RBCK1: variants seen among roughly 807,000 people sequenced by gnomAD.
RBCK1 encodes ranBP-type and C3HC4-type zinc finger-containing protein 1.
A neutral mutation model predicts 71.1 loss-of-function variants in RBCK1; 44 were observed. The observed-to-expected ratio is 0.62, with a 90% CI of 0.49 to 0.80. The LOEUF is 0.80. Ranked by LOEUF, RBCK1 falls within the 30% of genes least tolerant of loss-of-function variation. The pLI is 0.00. For synonymous variants in RBCK1, 306 were observed against 279.7 expected, an observed-to-expected ratio of 1.09 and a Z score of -0.94; for missense variants, 569 against 685.0, an observed-to-expected ratio of 0.83 and a Z score of 1.89.
Position 428,461 on chromosome 20 carries a change from T to C in RBCK1, c.1210-30T>C, listed in dbSNP as rs199774576. The C allele has an allele frequency of 4.0e-5, 61 of 1,535,888 alleles. No homozygotes were observed. Among genetic ancestry groups the C allele is most frequent in the Non-Finnish European group, 1.1e-5 (13 of 1,132,754 alleles). ...CAGCTTCTTAACCCCCTGAGGAACCTTCTTACCTTGAGTCCCTCACCCGCT... is the reference window on the plus strand; with the variant it reads ...CAGCTTCTTAACCCCCTGAGGAACCCTCTTACCTTGAGTCCCTCACCCGCT... On this transcript the variant is annotated intron_variant, in intron 9 of 11. Transcript: ENST00000356286. This position sits in a 1 kb window ranked among gnomAD's most constrained non-coding sequence, Gnocchi z 5.7.
intron 2 of RBCK1, among the ~76,000 whole-genome samples, chr20:412,262 G>A (rs2015752517): frequency 6.6e-6 from 1 of 151,942 alleles, no homozygotes. Context: ...ATCTTTTCAT[G>A]CACATATTTT....
chr20:420,475 C>T (rs2016322897), intron 6 of RBCK1: 1 of 983,876 alleles, frequency 1.0e-6, no homozygotes, highest in Non-Finnish European at 1.2e-6. Flanking sequence ...AGTGGCTCCA[C>T]CAGCCCTGGC....
At position 417,854 on chromosome 20, in the gene RBCK1, C is replaced by A; in HGVS notation, c.384C>A (p.Leu128=). The A allele has an allele frequency of 6.2e-7, 1 of 1,613,896 alleles. No individual in the cohort carries two copies. The highest frequency in any genetic ancestry group is 1.1e-5 in the South Asian group (1 of 91,088). ...GVRQNGDSAY[L]YLLSARNTSL... Reference sequence around the variant, plus strand: ...GGCAGAATGGGGACAGTGCCTACCTCTATCTGCTGTCAGCCCGCAACACCT... The same window carrying A: ...GGCAGAATGGGGACAGTGCCTACCTATATCTGCTGTCAGCCCGCAACACCT... The change falls in exon 4 of 12, where the codon CTC becomes CTA. Residue 128 remains leucine (L), a synonymous_variant. Transcript: ENST00000356286. The surrounding 1 kb of genome is among the most constrained non-coding windows in gnomAD (Gnocchi z 4.7).
intron 11 of RBCK1, among the ~76,000 whole-genome samples, chr20:429,672 G>A (rs1414621693): frequency 1.3e-5 from 2 of 152,234 alleles, no homozygotes; most frequent in African/African-American, 2.4e-5. Flanking sequence ...TGTTGGCTGT[G>A]GTTGCTTTTA....
intron 1 of RBCK1, 119 bp downstream of exon 1, chr20:408,898 C>G (rs1447859917): frequency 5.0e-6 from 6 of 1,194,974 alleles, no homozygotes; most frequent in African/African-American, 3.1e-5. Flanking sequence ...CCTCCCTCTA[C>G]CCTCCTCCCC....
At position 408,445 on chromosome 20, in the gene RBCK1, G is replaced by A. The variant is rs1328986912; in HGVS notation, c.-313G>A. The A allele has an allele frequency of 4.0e-6, 2 of 504,366 alleles. No homozygotes were observed. Among genetic ancestry groups the A allele is most frequent in the African/African-American group, 2.0e-5 (1 of 48,908 alleles). The allele number at this position is 504,366 out of a possible 1,614,324, so 31.2% of individuals were successfully genotyped here. ...CCGGGACTTGGAACGCCCCGGCTGGGTGGTGTCCGGGCGTCCTTTCCCCGC... is the reference window on the plus strand; with the variant it reads ...CCGGGACTTGGAACGCCCCGGCTGGATGGTGTCCGGGCGTCCTTTCCCCGC... On this transcript the variant is annotated 5_prime_UTR_variant, in exon 1 of 12. The change creates a new upstream start codon in the 5' untranslated region. Coordinates refer to ENST00000356286, the MANE Select transcript of RBCK1 (RefSeq NM_031229.4).
Position 431,731 on chromosome 20 carries a change from C to T in RBCK1, c.*1301C>T, listed in dbSNP as rs1020458846. On this transcript the variant is annotated 3_prime_UTR_variant, in exon 12 of 12. Coordinates refer to ENST00000356286, the MANE Select transcript of RBCK1 (RefSeq NM_031229.4). The surrounding 1 kb of genome is among the most constrained non-coding windows in gnomAD (Gnocchi z 4.8). ...AGCTGTCTGAGAATGTGTGAGTGGA[C>T]TGGGTCCTTCGGCACTGCCTGCATT... is the stretch of plus-strand genomic sequence containing the variant. 1.3e-5 allele frequency among the ~76,000 whole-genome samples: 2 copies of T among 152,238 alleles called. No individual in the cohort carries two copies. Among genetic ancestry groups the T allele is most frequent in the Admixed American group, 6.5e-5 (1 of 15,292 alleles).
chr20:412,406 C>T (rs146010777), intron 2 of RBCK1, among the ~76,000 whole-genome samples: 6,302 of 151,940 alleles, frequency 0.041, 135 homozygotes, highest in African/African-American at 0.044. Context: ...CTGCAACCTC[C>T]GCCTCCCAGG....
intron 2 of RBCK1, among the ~76,000 whole-genome samples, chr20:413,344 G>C (rs1041310858): frequency 1.3e-5 from 2 of 151,990 alleles, no homozygotes; most frequent in Non-Finnish European, 2.9e-5. Context: ...AATTTTGGTA[G>C]GGATTTCATT....
rs2016511511 is a variant in RBCK1, at chr20:422,696, G to A, written c.1029+458G>A. 6.6e-6 allele frequency among the ~76,000 whole-genome samples: 1 copy of A among 152,100 alleles called. No individual in the cohort carries two copies. The highest frequency in any genetic ancestry group is 1.5e-5 in the Non-Finnish European group (1 of 68,022). ...CCAGGCGCGGGGGCATGCGCCTGTA[G>A]TCCTAGCTACTTGGGTGGGGTCTGG... On this transcript the variant is annotated intron_variant, in intron 8 of 11. Transcript: ENST00000356286. This position sits in a 1 kb window ranked among gnomAD's most constrained non-coding sequence, Gnocchi z 5.0.
intron 2 of RBCK1, among the ~76,000 whole-genome samples, chr20:414,863 T>C (rs2015899801): frequency 6.6e-6 from 1 of 152,244 alleles, no homozygotes; most frequent in Non-Finnish European, 1.5e-5. Flanking sequence ...CAGACTCATC[T>C]ATTTTTGTTT....
At chr20:418,603 T>G (rs2316405) in intron 4 of RBCK1, among the ~76,000 whole-genome samples, 2 of 151,390 alleles carry the variant, frequency 1.3e-5, no homozygotes, top group Non-Finnish European at 3.0e-5. Flanking sequence ...CTCCTGACTT[T>G]GTGATCCGCC....
Position 417,577 on chromosome 20 carries a change from C to T in RBCK1, c.219C>T (p.Leu73=). 1 of 1,614,020 alleles carries T rather than the reference C, an allele frequency of 6.2e-7. No individual in the cohort carries two copies. Residue 73 remains leucine, a synonymous_variant, in exon 3 of 12, where the codon CTC becomes CTT. Coordinates refer to ENST00000356286, the MANE Select transcript of RBCK1 (RefSeq NM_031229.4). The surrounding 1 kb of genome is among the most constrained non-coding windows in gnomAD (Gnocchi z 4.7). ...AGATGCACACCGTCACCATCTGGCT[C>T]ACAGTGCGCCCTGATATGACAGTGG... The part of the protein sequence containing the change: ...DAQMHTVTIW[L]TVRPDMTVAS...
chr20:418,587 C>G (rs572425397), intron 4 of RBCK1, among the ~76,000 whole-genome samples: 1 of 152,254 alleles, frequency 6.6e-6, no homozygotes, highest in Non-Finnish European at 1.5e-5. Flanking sequence ...CCAGGATGGT[C>G]TCGATCTCCT....
At chr20:409,701 A>G in intron 1 of RBCK1, 180 bp from the exon 2 acceptor site, 8 of 887,400 alleles carry the variant, frequency 9.0e-6, no homozygotes, top group Non-Finnish European at 1.2e-5. Flanking sequence ...AGTGGGGAAT[A>G]TTAGAGAACC....
rs1265908677 is a variant in RBCK1, at chr20:410,615, G to A, written c.167+590G>A. 1.6e-5 allele frequency: 12 copies of A among 771,206 alleles called. 1 individual carries two copies. The highest frequency in any genetic ancestry group is 2.3e-4 in the Middle Eastern group (1 of 4,432). 47.8% of individuals were successfully genotyped at this position (771,206 alleles called of 1,614,324 possible). A position where few individuals can be genotyped will look rare whatever the true frequency, so the allele number is the denominator to read the frequency against. ...GGAGACTGTATAGCCAAGATATTCA[G>A]CTAGAATTCAGGGGTTCGCTTGGTA... On this transcript the variant is annotated intron_variant, in intron 2 of 11. Coordinates refer to ENST00000356286, the MANE Select transcript of RBCK1 (RefSeq NM_031229.4).
chr20:417,861 C>A lies in RBCK1; in HGVS notation c.391C>A (p.Leu131Met). Reference sequence around the variant, plus strand: ...TGGGGACAGTGCCTACCTCTATCTGCTGTCAGCCCGCAACACCTCCCTCAA... The same window carrying A: ...TGGGGACAGTGCCTACCTCTATCTGATGTCAGCCCGCAACACCTCCCTCAA... Reference protein sequence around the residue: ...QNGDSAYLYLLSARNTSLNPQ... With the variant: ...QNGDSAYLYLMSARNTSLNPQ... The change falls in exon 4 of 12, where the codon CTG becomes ATG. Residue 131 changes from leucine (L) to methionine (M), a missense_variant. Around this residue, in one of 2 missense-constraint regions of RBCK1, gnomAD observed 358 missense variants for 375.6 expected, o/e 0.95. Coordinates refer to ENST00000356286, the MANE Select transcript of RBCK1 (RefSeq NM_031229.4). The surrounding 1 kb of genome is among the most constrained non-coding windows in gnomAD (Gnocchi z 4.7). 1 of 1,613,682 alleles carries A rather than the reference C, an allele frequency of 6.2e-7. No individual in the cohort carries two copies. The highest frequency in any genetic ancestry group is 8.5e-7 in the Non-Finnish European group (1 of 1,180,028).
chr20:423,438 A>G (rs997502629), intron 8 of RBCK1, among the ~76,000 whole-genome samples: 4 of 152,266 alleles, frequency 2.6e-5, no homozygotes, highest in Admixed American at 1.3e-4. Context: ...AAGTTAGGAC[A>G]GTTGGCCCTC....
intron 2 of RBCK1, among the ~76,000 whole-genome samples, chr20:411,524 C>G (rs1001388171): frequency 6.6e-6 from 1 of 152,174 alleles, no homozygotes; most frequent in African/African-American, 2.4e-5. Flanking sequence ...CCCGCCACCA[C>G]GCCCAGCTAA....
Sources: gnomAD v4.1 joint callset for allele counts (sites outside exome capture counted in the v4.1 genomes callset) on GRCh38, gnomAD v4.1.1 for gene constraint, gnomAD v4.1.1 regional missense constraint, Gnocchi (gnomAD v3.1) non-coding constraint, MANE v1.5 for transcripts, NCBI Gene and HGNC (gene_info 2026-07-23, HGNC 2026-07-21) for gene names.